Variants in ANO6 observed in about 807,000 individuals in gnomAD.
ANO6 encodes anoctamin 6.
A neutral mutation model predicts 117.5 loss-of-function variants in ANO6; 106 were observed. The ratio of observed to expected loss-of-function variants is 0.90; its 90% CI spans 0.77 to 1.06. The LOEUF is 1.06. Ranked by LOEUF, ANO6 falls within the 50% of genes least tolerant of loss-of-function variation. ANO6 has a pLI of 0.00. For synonymous variants in ANO6, 367 were observed against 385.1 expected, an observed-to-expected ratio of 0.95 and a Z score of 0.55; for missense variants, 955 against 1,121.1, an observed-to-expected ratio of 0.85 and a Z score of 2.12.
chr12:45,349,852 A>G (rs1592999211), intron 6 of ANO6, among the ~76,000 whole-genome samples: 2 of 152,240 alleles, frequency 1.3e-5, no homozygotes, highest in African/African-American at 4.8e-5. Flanking sequence ...TTTTGAGGCC[A>G]CTTGCAAATA....
chr12:45,378,084 T>C lies in ANO6; in HGVS notation c.1136T>C (p.Leu379Pro). The C allele has an allele frequency of 6.2e-7, 1 of 1,613,448 alleles. No individual in the cohort carries two copies. Among genetic ancestry groups the C allele is most frequent in the Non-Finnish European group, 8.5e-7 (1 of 1,179,742 alleles). The change falls in exon 10 of 20, where the codon CTG becomes CCG. Residue 379 changes from leucine to proline, a missense_variant. Coordinates refer to ENST00000320560, the MANE Select transcript of ANO6 (RefSeq NM_001025356.3). ...KLCIFDSFGTLVFAVFMGVWV... is the reference protein window; with the variant it reads ...KLCIFDSFGTPVFAVFMGVWV... The stretch of plus-strand genomic sequence containing the variant: ...TGCATCTTCGACAGTTTTGGAACCC[T>C]GGTCTTTGCAGTATTTATGGGAGTA...
intron 10 of ANO6, among the ~76,000 whole-genome samples, chr12:45,379,755 C>T (rs985854667): frequency 6.6e-6 from 1 of 152,210 alleles, no homozygotes; most frequent in African/African-American, 2.4e-5. Context: ...AGCTAACCTT[C>T]CTTTCTCTGA....
chr12:45,344,120 A>G (rs556089389), intron 3 of ANO6, among the ~76,000 whole-genome samples: 1 of 152,324 alleles, frequency 6.6e-6, no homozygotes, highest in Admixed American at 6.5e-5. Context: ...CAGAAAGCAC[A>G]TGAATAAACG....
chr12:45,421,050 T>C (rs1376989658), intron 17 of ANO6, 21 bp from the exon 18 acceptor site: 2 of 1,612,758 alleles, frequency 1.2e-6, no homozygotes, highest in Non-Finnish European at 1.7e-6. Context: ...TCATTTTCGC[T>C]TTGTTTTTCT....
intron 1 of ANO6, among the ~76,000 whole-genome samples, chr12:45,266,265 CTA>C (rs1468599977): frequency 2.0e-5 from 3 of 152,064 alleles, no homozygotes; most frequent in Non-Finnish European, 4.4e-5. Context: ...GTCTGTGGTT[CTA>C]TGTCATTGAT....
At chr12:45,409,750 TA>T (rs1374803980) in intron 16 of ANO6, among the ~76,000 whole-genome samples, 1 of 152,146 alleles carries the variant, frequency 6.6e-6, no homozygotes. Flanking sequence ...TCTTTACCAT[TA>T]ATTCTTTTTG....
rs562791279 is a variant in ANO6 at position 45,359,334 on chromosome 12, G to A, written c.998+1910G>A. Among the ~76,000 whole-genome samples, 11 of 152,296 alleles carry A rather than the reference G, an allele frequency of 7.2e-5. No homozygotes were observed. In the South Asian group the frequency reaches 1.9e-3, roughly 26 times the overall value. On this transcript the variant is annotated intron_variant, in intron 8 of 19. Transcript: ENST00000320560. Reference sequence around the variant, plus strand: ...ATAAAATTGAAAATATTAAAAATGTGTAAACAATTCAGGTGTTTTAAGTGC... The same window carrying A: ...ATAAAATTGAAAATATTAAAAATGTATAAACAATTCAGGTGTTTTAAGTGC...
At chr12:45,331,237 T>G in intron 2 of ANO6, 58 bp from the exon 3 acceptor site, 1 of 1,459,440 alleles carries the variant, frequency 6.9e-7, no homozygotes, top group Middle Eastern at 2.2e-4. Flanking sequence ...TTAACACTTA[T>G]AAGTCAGCAT....
intron 16 of ANO6, among the ~76,000 whole-genome samples, chr12:45,415,865 A>G (rs1246361164): frequency 6.6e-6 from 1 of 152,138 alleles, no homozygotes; most frequent in African/African-American, 2.4e-5. Context: ...TTTTAGTTAC[A>G]TATCTGTAGA....
intron 12 of ANO6, among the ~76,000 whole-genome samples, chr12:45,398,912 G>A (rs1178458959): frequency 6.6e-6 from 1 of 152,054 alleles, no homozygotes; most frequent in African/African-American, 2.4e-5. Context: ...GCAGAAAATC[G>A]GTCTTCAGTC....
At chr12:45,386,854 A>C (rs551705971) in intron 10 of ANO6, among the ~76,000 whole-genome samples, 2 of 152,220 alleles carry the variant, frequency 1.3e-5, no homozygotes, top group South Asian at 2.1e-4. Context: ...CACCACCTTC[A>C]CCTGATCAGC....
intron 3 of ANO6, among the ~76,000 whole-genome samples, chr12:45,338,081 T>C (rs1940877720): frequency 6.6e-6 from 1 of 152,036 alleles, no homozygotes; most frequent in Non-Finnish European, 1.5e-5. Context: ...AACCATAAGT[T>C]CTTGTTCAGA....
At chr12:45,253,685 A>T (rs2052602) in intron 1 of ANO6, among the ~76,000 whole-genome samples, 4 of 152,126 alleles carry the variant, frequency 2.6e-5, no homozygotes, top group South Asian at 2.1e-4. Context: ...TGTAGATGAT[A>T]GCCAGTATCA....
rs779586878 is a variant in ANO6 at position 45,429,290 on chromosome 12, T to C, written c.2712T>C (p.Asn904=). ...AERMIEAVDN[N]LRPKSE is the part of the protein sequence containing the mutation. ...GGATGATAGAAGCAGTAGATAACAA[T>C]TTACGGCCAAAATCAGAATAAGAGC... The change falls in exon 20 of 20, where the codon AAT becomes AAC. Residue 904 remains asparagine, a synonymous_variant. Transcript: ENST00000320560. The C allele has an allele frequency of 6.2e-6, 10 of 1,613,572 alleles. No homozygotes were observed. The South Asian group carries it at 6.6e-5, about 11-fold the overall frequency.
chr12:45,267,711 A>G (rs923438730), intron 1 of ANO6, among the ~76,000 whole-genome samples: 3 of 152,118 alleles, frequency 2.0e-5, no homozygotes, highest in African/African-American at 7.2e-5. Flanking sequence ...GAATCGCTTG[A>G]ACCAGGGAGG....
chr12:45,324,648 A>C (rs1313909398), intron 2 of ANO6, among the ~76,000 whole-genome samples: 1 of 152,220 alleles, frequency 6.6e-6, no homozygotes, highest in Non-Finnish European at 1.5e-5. Context: ...AGATGAGTTC[A>C]CCAAAGAAAT....
intron 7 of ANO6, 112 bp downstream of exon 7, chr12:45,350,886 G>GA: frequency 1.1e-6 from 1 of 909,792 alleles, no homozygotes; most frequent in Non-Finnish European, 1.7e-6. Context: ...AGCTGACCCA[G>GA]AGTGCTGAGC....
intron 12 of ANO6, among the ~76,000 whole-genome samples, 199 bp from the exon 13 acceptor site, chr12:45,401,596 A>T (rs895706794): frequency 1.3e-5 from 2 of 152,090 alleles, no homozygotes; most frequent in African/African-American, 2.4e-5. Flanking sequence ...ACATATGTGG[A>T]TGCGCCTTCT....
In ANO6 at chr12:45,332,341, A is replaced by G. The variant is rs904104106; in HGVS notation, c.279+918A>G. 2.7e-5 allele frequency among the ~76,000 whole-genome samples: 4 copies of G among 150,884 alleles called. No individual in the cohort carries two copies. The South Asian group carries it at 8.3e-4, about 31-fold the overall frequency. On this transcript the variant is annotated intron_variant, in intron 3 of 19. Coordinates refer to ENST00000320560, the MANE Select transcript of ANO6 (RefSeq NM_001025356.3). ...ACACACACACACACACAAAACTTTA[A>G]TTGTCCCTGTCTAGACTGTCTCCTT...
Sources: allele counts gnomAD v4.1 joint callset (sites outside exome capture counted in the v4.1 genomes callset), GRCh38; gene constraint gnomAD v4.1.1; transcripts MANE v1.5; gene names NCBI Gene and HGNC (gene_info 2026-07-23, HGNC 2026-07-21).